Variants in PAPSS2 observed in about 807,000 individuals in gnomAD.
PAPSS2 encodes 3'-phosphoadenosine 5'-phosphosulfate synthase 2.
Under a neutral mutation model 66.5 loss-of-function variants are expected in PAPSS2, and 61 were observed. The observed-to-expected ratio is 0.92, with a 90% CI of 0.75 to 1.14. The LOEUF is 1.14. Among genes scored for constraint, PAPSS2 ranks in the 50% most tolerant of loss-of-function variants. The pLI, the probability that PAPSS2 is intolerant of heterozygous loss-of-function variation, is 0.00. For missense variants in PAPSS2, 708 were observed against 789.6 expected (o/e 0.90, Z 1.24); for synonymous variants, 289 against 287.5 (o/e 1.01, Z -0.05).
chr10:87,740,195 A>C (rs919649944), intron 9 of PAPSS2, among the ~76,000 whole-genome samples: 5 of 152,230 alleles, frequency 3.3e-5, no homozygotes, highest in African/African-American at 1.2e-4. Flanking sequence ...GGTTTCAAGC[A>C]AAATATTTTT....
At chr10:87,728,083 G>T (rs1437310275) in intron 9 of PAPSS2, among the ~76,000 whole-genome samples, 2 of 152,100 alleles carry the variant, frequency 1.3e-5, no homozygotes, top group African/African-American at 2.4e-5. Flanking sequence ...CATCTGATAG[G>T]ATCAGGTAGG....
intron 8 of PAPSS2, among the ~76,000 whole-genome samples, chr10:87,722,117 G>A (rs1853605217): frequency 6.6e-6 from 1 of 152,088 alleles, no homozygotes; most frequent in South Asian, 2.1e-4. Context: ...TCACAAAGCT[G>A]GAAATTTTTT....
At chr10:87,719,207 A>C (rs1853567504) in intron 7 of PAPSS2, among the ~76,000 whole-genome samples, 1 of 152,172 alleles carries the variant, frequency 6.6e-6, no homozygotes, top group Admixed American at 6.6e-5. Flanking sequence ...TTTGGGTCTA[A>C]GTAGAGGCAG....
chr10:87,704,170 C>G lies in PAPSS2; in HGVS notation c.28-5026C>G, dbSNP rs753899518. On this transcript the variant is annotated intron_variant, in intron 1 of 12. Coordinates refer to ENST00000456849, the MANE Select transcript of PAPSS2 (RefSeq NM_001015880.2). ...ATAGGAATAAAATATTTGACTGAAC[C>G]AAAAGAGCCCAGTACCTGGCCATCC... 3 of 384,990 alleles carry G rather than the reference C, an allele frequency of 7.8e-6. No homozygotes were observed. In the Admixed American group the frequency reaches 1.1e-4, roughly 14 times the overall value. The allele number at this position is 384,990 out of a possible 1,614,324, so 23.8% of individuals were successfully genotyped here. A position where few individuals can be genotyped will look rare whatever the true frequency, so the allele number is the denominator to read the frequency against.
chr10:87,741,997 A>G (rs1476455592), intron 10 of PAPSS2, among the ~76,000 whole-genome samples: 2 of 151,970 alleles, frequency 1.3e-5, no homozygotes, highest in African/African-American at 4.8e-5. Context: ...GGCTCAAGCA[A>G]TCTCCCCGCC....
At chr10:87,678,453 A>G (rs184341851) in intron 1 of PAPSS2, among the ~76,000 whole-genome samples, 6 of 152,342 alleles carry the variant, frequency 3.9e-5, no homozygotes, top group Admixed American at 2.6e-4. Flanking sequence ...ATTGAACTAT[A>G]TTAAACTAAA....
Position 87,745,993 on chromosome 10 carries a change from T to C in PAPSS2, c.*23T>C. 6.2e-7 allele frequency: 1 copy of C among 1,610,846 alleles called. No individual in the cohort carries two copies. The highest frequency in any genetic ancestry group is 1.1e-5 in the South Asian group (1 of 91,014). On this transcript the variant is annotated 3_prime_UTR_variant, in exon 13 of 13. Coordinates refer to ENST00000456849, the MANE Select transcript of PAPSS2 (RefSeq NM_001015880.2). ...TAAGCCTTTGGCTCCAGAGTTTCTT[T>C]CTGAAGTGCTCTTTGATTACCTTTT...
chr10:87,726,436 A>G (rs920819801), intron 8 of PAPSS2, among the ~76,000 whole-genome samples: 2 of 152,238 alleles, frequency 1.3e-5, no homozygotes, highest in African/African-American at 4.8e-5. Flanking sequence ...CTAAAAATAA[A>G]GTAAAATAAA....
At chr10:87,737,368 C>T (rs1248130519) in intron 9 of PAPSS2, among the ~76,000 whole-genome samples, 3 of 150,856 alleles carry the variant, frequency 2.0e-5, no homozygotes, top group African/African-American at 2.4e-5. Flanking sequence ...AACGGTGGTT[C>T]CTCTAAAAAA....
intron 11 of PAPSS2, 51 bp from the exon 12 acceptor site, chr10:87,744,951 C>T: frequency 6.7e-7 from 1 of 1,500,184 alleles, no homozygotes; most frequent in Non-Finnish European, 9.3e-7. Flanking sequence ...AAACCATGAC[C>T]TACAGATTTG....
chr10:87,739,294 C>T (rs1476346171), intron 9 of PAPSS2, among the ~76,000 whole-genome samples: 3 of 152,134 alleles, frequency 2.0e-5, no homozygotes, highest in Admixed American at 2.0e-4. Context: ...GGTCCTGGTA[C>T]CCTTGTCAAA....
At chr10:87,711,220 G>A (rs1447892987) in intron 2 of PAPSS2, among the ~76,000 whole-genome samples, 1 of 152,098 alleles carries the variant, frequency 6.6e-6, no homozygotes, top group African/African-American at 2.4e-5. Flanking sequence ...TTTCTTATTT[G>A]TACAATGGGA....
chr10:87,666,745 G>T (rs528572912), intron 1 of PAPSS2, among the ~76,000 whole-genome samples: 45 of 152,252 alleles, frequency 3.0e-4, no homozygotes, highest in African/African-American at 1.1e-3. Flanking sequence ...CTCTGAGGTC[G>T]TGGGGTATGA....
At chr10:87,703,204 T>C (rs1480260940) in intron 1 of PAPSS2, among the ~76,000 whole-genome samples, 1 of 152,004 alleles carries the variant, frequency 6.6e-6, no homozygotes, top group Admixed American at 6.5e-5. Flanking sequence ...ACACTGCAAA[T>C]TGGTGAACCT....
At chr10:87,701,370 T>TTCTTTCTTTCTA (rs1564716769) in intron 1 of PAPSS2, among the ~76,000 whole-genome samples, 2 of 116,036 alleles carry the variant, frequency 1.7e-5, no homozygotes, top group Non-Finnish European at 3.3e-5. Context: ...CTTTCTTTCT[T>TTCTTTCTTTCTA]TCTTTCTTTC....
intron 1 of PAPSS2, among the ~76,000 whole-genome samples, chr10:87,693,014 G>A (rs899649312): frequency 6.6e-6 from 1 of 152,194 alleles, no homozygotes; most frequent in East Asian, 1.9e-4. Flanking sequence ...TCATATTACA[G>A]TGAATTGAGT....
intron 1 of PAPSS2, among the ~76,000 whole-genome samples, chr10:87,684,305 G>T (rs1378987094): frequency 1.3e-5 from 2 of 152,172 alleles, no homozygotes; most frequent in Non-Finnish European, 2.9e-5. Context: ...CAGTGATGGG[G>T]TATGTGATTA....
At chr10:87,742,924 C>T (rs1853887089) in intron 10 of PAPSS2, among the ~76,000 whole-genome samples, 1 of 152,178 alleles carries the variant, frequency 6.6e-6, no homozygotes, top group Non-Finnish European at 1.5e-5. Flanking sequence ...TCTAAAGACC[C>T]AGGTGTATTC....
chr10:87,740,186 G>T (rs1853849884), intron 9 of PAPSS2, among the ~76,000 whole-genome samples: 1 of 152,116 alleles, frequency 6.6e-6, no homozygotes, highest in South Asian at 2.1e-4. Flanking sequence ...AAATCTTAAG[G>T]TTTCAAGCAA....
Sources: gnomAD v4.1 joint callset for allele counts (sites outside exome capture counted in the v4.1 genomes callset) on GRCh38, gnomAD v4.1.1 for gene constraint, MANE v1.5 for transcripts, NCBI Gene and HGNC (gene_info 2026-07-23, HGNC 2026-07-21) for gene names.